The following CALCRL variants were observed in gnomAD, a reference collection of about 807,000 sequenced individuals.
The protein encoded by CALCRL is calcitonin receptor like receptor, also known as calcitonin gene-related peptide type 1 receptor.
Under a neutral mutation model 60.4 loss-of-function variants are expected in CALCRL, and 27 were observed. The observed-to-expected ratio is 0.45, with a 90% confidence interval of 0.33 to 0.62. The LOEUF is 0.62. CALCRL is among the 20% of genes least tolerant of loss of function. The probability of loss-of-function intolerance (pLI) is 0.03; values close to 1 mark genes in which losing one functional copy is unlikely to be tolerated. For missense variants in CALCRL, 424 were observed against 540.7 expected, an observed-to-expected ratio of 0.78 and a Z score of 2.14; for synonymous variants, 190 against 182.6, an observed-to-expected ratio of 1.04 and a Z score of -0.33.
intron 14 of CALCRL, among the ~76,000 whole-genome samples, chr2:187,350,212 T>G (rs1464310147): frequency 2.6e-5 from 4 of 151,714 alleles, no homozygotes; most frequent in African/African-American, 9.7e-5. Flanking sequence ...TAAAATCTGT[T>G]TCTGTAGATA....
intron 8 of CALCRL, among the ~76,000 whole-genome samples, chr2:187,374,139 G>A (rs2105764050): frequency 6.6e-6 from 1 of 152,232 alleles, no homozygotes; most frequent in African/African-American, 2.4e-5. Flanking sequence ...CTGCACTCCA[G>A]CCTGGGTGAC....
At chr2:187,426,475 T>C (rs1468801464) in intron 1 of CALCRL, among the ~76,000 whole-genome samples, 1 of 152,010 alleles carries the variant, frequency 6.6e-6, no homozygotes, top group Non-Finnish European at 1.5e-5. Context: ...AATTATCATG[T>C]TGATAATAAT....
chr2:187,434,677 T>G (rs1240736189), intron 1 of CALCRL, among the ~76,000 whole-genome samples: 1 of 152,090 alleles, frequency 6.6e-6, no homozygotes, highest in Non-Finnish European at 1.5e-5. Flanking sequence ...TTGTTTGTAA[T>G]ATCAAAACTG....
chr2:187,407,301 T>G (rs957017153), intron 1 of CALCRL, among the ~76,000 whole-genome samples: 1 of 152,100 alleles, frequency 6.6e-6, no homozygotes, highest in Non-Finnish European at 1.5e-5. Flanking sequence ...TTTTATACTT[T>G]ACGAAGTCTG....
At chr2:187,410,325 C>T (rs1689303790) in intron 1 of CALCRL, among the ~76,000 whole-genome samples, 10 of 151,710 alleles carry the variant, frequency 6.6e-5, no homozygotes, top group Admixed American at 6.6e-4. Flanking sequence ...CAATTTTTTA[C>T]CAAATTGGAG....
At chr2:187,361,216 A>G (rs1687042941) in intron 9 of CALCRL, among the ~76,000 whole-genome samples, 1 of 152,060 alleles carries the variant, frequency 6.6e-6, no homozygotes, top group South Asian at 2.1e-4. Flanking sequence ...GCAAATGCTT[A>G]TTAAGAAATA....
chr2:187,358,461 A>G (rs1405359651), intron 12 of CALCRL, among the ~76,000 whole-genome samples: 1 of 152,070 alleles, frequency 6.6e-6, no homozygotes, highest in African/African-American at 2.4e-5. Context: ...ACATTAACTG[A>G]TAATAATTAT....
intron 10 of CALCRL, 71 bp downstream of exon 10, chr2:187,360,527 C>T: frequency 2.3e-6 from 3 of 1,333,220 alleles, no homozygotes; most frequent in Non-Finnish European, 3.1e-6. Context: ...ATTCATATTA[C>T]AAAGGAACCT....
chr2:187,444,880 T>A (rs1451052619), intron 1 of CALCRL, among the ~76,000 whole-genome samples: 2 of 151,566 alleles, frequency 1.3e-5, no homozygotes, highest in Non-Finnish European at 3.0e-5. Flanking sequence ...CATGTGAATA[T>A]ATGGGAAAAG....
intron 1 of CALCRL, among the ~76,000 whole-genome samples, chr2:187,409,776 T>C (rs1400210992): frequency 6.6e-6 from 1 of 152,124 alleles, no homozygotes; most frequent in Non-Finnish European, 1.5e-5. Flanking sequence ...CCAGAGGAAA[T>C]GGTATTTTAC....
At chr2:187,399,383 A>C (rs911354994) in intron 1 of CALCRL, among the ~76,000 whole-genome samples, 1 of 151,522 alleles carries the variant, frequency 6.6e-6, no homozygotes, top group Non-Finnish European at 1.5e-5. Flanking sequence ...CCAGCTCAAA[A>C]AGTAAATGCA....
chr2:187,348,145 C>T (rs993545854), intron 14 of CALCRL, among the ~76,000 whole-genome samples: 2 of 151,554 alleles, frequency 1.3e-5, no homozygotes, highest in Non-Finnish European at 3.0e-5. Flanking sequence ...CTAAATCCTC[C>T]GTATAAAATA....
intron 8 of CALCRL, among the ~76,000 whole-genome samples, chr2:187,366,630 T>G (rs1418895452): frequency 1.3e-5 from 2 of 152,080 alleles, no homozygotes; most frequent in African/African-American, 4.8e-5. Context: ...ACATTTATAT[T>G]TTAACTGTTT....
intron 1 of CALCRL, among the ~76,000 whole-genome samples, chr2:187,388,976 A>T (rs1197400018): frequency 1.3e-5 from 2 of 152,048 alleles, no homozygotes; most frequent in African/African-American, 4.8e-5. Context: ...TGATTGATTA[A>T]TAGAGATTTA....
At chr2:187,443,913 G>A (rs3771063) in intron 1 of CALCRL, among the ~76,000 whole-genome samples, 10,498 of 151,602 alleles carry the variant, frequency 0.069, 494 homozygotes, top group East Asian at 0.19. Flanking sequence ...GTGAATGCGG[G>A]TTCAAATTAA....
At chr2:187,379,370 G>T (rs1405118898) in intron 7 of CALCRL, among the ~76,000 whole-genome samples, 1 of 151,946 alleles carries the variant, frequency 6.6e-6, no homozygotes, top group Non-Finnish European at 1.5e-5. Context: ...TATATTTTGT[G>T]CACCTTCAAA....
chr2:187,351,773 A>C, intron 14 of CALCRL, 147 bp downstream of exon 14: 2 of 602,512 alleles, frequency 3.3e-6, no homozygotes, highest in Non-Finnish European at 2.9e-6. Context: ...ACCTATGGTA[A>C]GAGATTCTAT....
intron 14 of CALCRL, among the ~76,000 whole-genome samples, chr2:187,346,831 A>G (rs1459613325): frequency 7.8e-6 from 1 of 128,778 alleles, no homozygotes; most frequent in African/African-American, 2.6e-5. Context: ...TAGGATACGA[A>G]GAATACAAAT....
intron 8 of CALCRL, among the ~76,000 whole-genome samples, chr2:187,377,868 A>G (rs1471311155): frequency 1.3e-5 from 2 of 152,246 alleles, no homozygotes; most frequent in East Asian, 1.9e-4. Context: ...TTTAAATACT[A>G]TAATTAAAAC....
Sources: gnomAD v4.1 joint callset for allele counts (sites outside exome capture counted in the v4.1 genomes callset) on GRCh38, gnomAD v4.1.1 for gene constraint, MANE v1.5 for transcripts, NCBI Gene and HGNC (gene_info 2026-07-23, HGNC 2026-07-21) for gene names.